GRK3: variants seen among roughly 807,000 people sequenced by gnomAD.
GRK3 encodes the protein G protein-coupled receptor kinase 3.
Under a neutral mutation model 95.7 loss-of-function variants are expected in GRK3, and 54 were observed. The ratio of observed to expected loss-of-function variants is 0.56; its 90% CI spans 0.45 to 0.71. GRK3 has a LOEUF of 0.71. GRK3 is among the 30% of genes least tolerant of loss of function. The pLI is 0.00. For missense variants in GRK3, 649 were observed against 851.2 expected, an observed-to-expected ratio of 0.76 and a Z score of 2.96; for synonymous variants, 281 against 290.8, an observed-to-expected ratio of 0.97 and a Z score of 0.34.
intron 13 of GRK3, among the ~76,000 whole-genome samples, chr22:25,695,753 C>T (rs2085202708): frequency 6.6e-6 from 1 of 152,134 alleles, no homozygotes; most frequent in Non-Finnish European, 1.5e-5. Flanking sequence ...GCCTCGACCT[C>T]CTGGGCTCAA....
At chr22:25,721,179 G>A (rs1480085172) in intron 19 of GRK3, 105 bp from the exon 20 acceptor site, 9 of 550,740 alleles carry the variant, frequency 1.6e-5, no homozygotes, top group African/African-American at 6.0e-5. Context: ...AAAGAAAACC[G>A]AATGTGTTTT....
At chr22:25,674,256 T>C (rs1292017283) in intron 7 of GRK3, among the ~76,000 whole-genome samples, 181 bp from the exon 8 acceptor site, 1 of 152,176 alleles carries the variant, frequency 6.6e-6, no homozygotes, top group Non-Finnish European at 1.5e-5. Context: ...AGGGAGGCTG[T>C]CAAAAGTCTT....
chr22:25,678,458 A>G (rs933135775), intron 8 of GRK3, among the ~76,000 whole-genome samples: 1 of 151,432 alleles, frequency 6.6e-6, no homozygotes, highest in East Asian at 1.9e-4. Context: ...TGTCTCAAAA[A>G]AAAACAAAAA....
chr22:25,581,712 C>G (rs746313540), intron 1 of GRK3, among the ~76,000 whole-genome samples: 2 of 151,784 alleles, frequency 1.3e-5, no homozygotes, highest in African/African-American at 2.4e-5. Context: ...CTTTAGAAAA[C>G]GATGATCTGT....
intron 2 of GRK3, among the ~76,000 whole-genome samples, chr22:25,624,058 A>G (rs1055923950): frequency 7.9e-5 from 12 of 152,060 alleles, no homozygotes; most frequent in Admixed American, 5.2e-4. Context: ...CTAAGCCCCC[A>G]CTGCAGGGTG....
At chr22:25,638,170 C>T (rs573102882) in intron 2 of GRK3, among the ~76,000 whole-genome samples, 19 of 152,246 alleles carry the variant, frequency 1.2e-4, no homozygotes, top group Non-Finnish European at 5.9e-5. Context: ...AACTAGTCTG[C>T]GTACAATGGA....
At chr22:25,578,504 A>AG (rs1186134095) in intron 1 of GRK3, among the ~76,000 whole-genome samples, 6 of 152,198 alleles carry the variant, frequency 3.9e-5, no homozygotes, top group Non-Finnish European at 7.3e-5. Context: ...TTATATGACA[A>AG]GGGGGCGTTA....
In GRK3 at chr22:25,702,400, T is replaced by C. The variant is rs545744530; in HGVS notation, c.1161-1110T>C. Among the ~76,000 whole-genome samples the C allele has an allele frequency of 3.3e-5, 5 of 152,320 alleles. No individual in the cohort carries two copies. The South Asian group carries it at 8.3e-4, about 25-fold the overall frequency. On this transcript the variant is annotated intron_variant, in intron 13 of 20. Transcript: ENST00000324198. ...CTAATCCATTTTATGGAGTTAATAT[T>C]AAAATATTTTGCATAATATCCTGCC...
chr22:25,683,332 A>C (rs551947133), intron 9 of GRK3, among the ~76,000 whole-genome samples: 1 of 152,310 alleles, frequency 6.6e-6, no homozygotes, highest in African/African-American at 2.4e-5. Context: ...TGTTTTGAAT[A>C]TTCTTGTCCA....
chr22:25,647,803 A>G, intron 3 of GRK3: 1 of 888,526 alleles, frequency 1.1e-6, no homozygotes, highest in Non-Finnish European at 1.9e-6. Context: ...TTAATGAGGT[A>G]TTTTCTTAGG....
intron 3 of GRK3, among the ~76,000 whole-genome samples, chr22:25,653,890 T>C (rs1046936020): frequency 6.6e-5 from 10 of 152,172 alleles, no homozygotes; most frequent in Non-Finnish European, 7.3e-5. Flanking sequence ...GGTTTCACCA[T>C]GTTGGCCAGC....
chr22:25,595,891 G>C (rs777350059), intron 1 of GRK3, among the ~76,000 whole-genome samples: 62 of 152,180 alleles, frequency 4.1e-4, no homozygotes, highest in Non-Finnish European at 1.0e-4. Flanking sequence ...AGGCCGCAGT[G>C]AGCTATGATC....
At chr22:25,664,093 G>C (rs1165823723) in intron 5 of GRK3, among the ~76,000 whole-genome samples, 1 of 152,146 alleles carries the variant, frequency 6.6e-6, no homozygotes, top group Non-Finnish European at 1.5e-5. Flanking sequence ...TATCCTCTAG[G>C]GGAAATACAA....
chr22:25,691,427 A>G (rs989206464), intron 12 of GRK3, among the ~76,000 whole-genome samples: 2 of 152,268 alleles, frequency 1.3e-5, no homozygotes, highest in East Asian at 3.8e-4. Context: ...GGACTGCATT[A>G]AATCAAAATT....
At chr22:25,624,926 T>A (rs2084615767) in intron 2 of GRK3, among the ~76,000 whole-genome samples, 1 of 151,874 alleles carries the variant, frequency 6.6e-6, no homozygotes, top group African/African-American at 2.4e-5. Flanking sequence ...TCTCTTTTTT[T>A]TTTTTTTTGA....
At chr22:25,600,021 G>C (rs1359792269) in intron 1 of GRK3, among the ~76,000 whole-genome samples, 1 of 152,100 alleles carries the variant, frequency 6.6e-6, no homozygotes, top group African/African-American at 2.4e-5. Context: ...CTACCTAACA[G>C]AAGTATGCAG....
rs2085489943 is a variant in GRK3 at position 25,728,260 on chromosome 22, T to C, written c.*5810T>C. 6.6e-6 allele frequency: 1 copy of C among 152,252 alleles called. No homozygotes were observed. Among genetic ancestry groups the C allele is most frequent in the Admixed American group, 6.5e-5 (1 of 15,280 alleles). The allele number at this position is 152,252 out of a possible 1,614,324, so 9.4% of individuals were successfully genotyped here. A position where few individuals can be genotyped will look rare whatever the true frequency, so the allele number is the denominator to read the frequency against. On this transcript the variant is annotated 3_prime_UTR_variant, in exon 21 of 21. Coordinates refer to ENST00000324198, the MANE Select transcript of GRK3 (RefSeq NM_005160.4). ...CTGTGCTGAGAGGCGCATGCATGTC[T>C]TTCGTCACGTCGGGCAGCACACCTG... is the stretch of plus-strand genomic sequence containing the variant.
At chr22:25,594,941 C>T (rs554094525) in intron 1 of GRK3, among the ~76,000 whole-genome samples, 4 of 151,582 alleles carry the variant, frequency 2.6e-5, no homozygotes, top group African/African-American at 4.8e-5. Context: ...TCTCAATAGA[C>T]GTGGAAAAAG....
chr22:25,685,382 C>A (rs1216747536), intron 10 of GRK3, 134 bp downstream of exon 10: 2 of 682,460 alleles, frequency 2.9e-6, no homozygotes, highest in Admixed American at 2.3e-5. Context: ...TTTGAGGAAA[C>A]CTTTTACCCT....
Sources: gnomAD v4.1 joint callset for allele counts (sites outside exome capture counted in the v4.1 genomes callset) on GRCh38, gnomAD v4.1.1 for gene constraint, MANE v1.5 for transcripts, NCBI Gene and HGNC (gene_info 2026-07-23, HGNC 2026-07-21) for gene names.